MUC12: variants seen among roughly 807,000 people sequenced by gnomAD.
MUC12 encodes mucin 12, cell surface associated, also known as mucin-12.
Under a neutral mutation model 230.8 loss-of-function variants are expected in MUC12, and 172 were observed. The ratio of observed to expected loss-of-function variants is 0.75; its 90% CI spans 0.66 to 0.85. The LOEUF (loss-of-function observed/expected upper bound fraction) is 0.85, where lower values mean the gene tolerates loss of function less well. Ranked by LOEUF, MUC12 falls within the 40% of genes least tolerant of loss-of-function variation. MUC12 has a pLI of 0.00. For synonymous variants in MUC12, 1,259 were observed against 2,401.9 expected, an observed-to-expected ratio of 0.52 and a Z score of 13.91; for missense variants, 3,506 against 5,920.6, an observed-to-expected ratio of 0.59 and a Z score of 13.38.
rs139231552 is a variant in MUC12, at chr7:100,986,194, T to TA, written c.68-4429dup. Reference sequence around the variant, plus strand: ...GGGCAACATAGCAAGATCCCATCTCTAAAAAAAACAAAATTTTAAAATTAG... The same window carrying TA: ...GGGCAACATAGCAAGATCCCATCTCTAAAAAAAAACAAAATTTTAAAATTAG... On this transcript the variant is annotated intron_variant, in intron 1 of 11. Coordinates refer to ENST00000536621, the MANE Select transcript of MUC12 (RefSeq NM_001164462.2). 6.1e-3 allele frequency among the ~76,000 whole-genome samples: 924 copies of TA among 151,642 alleles called. 7 individuals carry two copies. The highest frequency in any genetic ancestry group is 0.021 in the African/African-American group (860 of 41,366).
intron 1 of MUC12, among the ~76,000 whole-genome samples, chr7:100,974,800 G>A (rs1026219522): frequency 1.3e-5 from 2 of 152,272 alleles, no homozygotes; most frequent in African/African-American, 4.8e-5. Context: ...ATTCCAGCCT[G>A]GGCAACAGAG....
At position 101,007,922 on chromosome 7, in the gene MUC12, C is replaced by A. The variant is rs528525248; in HGVS notation, c.15059-712C>A. On this transcript the variant is annotated intron_variant, in intron 3 of 11. Transcript: ENST00000536621. ...ATGCCATTCTCCTGCCTCAGCCTCC[C>A]AAGTAGCTGGGACTACAGGTGCCCG... Among the ~76,000 whole-genome samples, 13 of 151,744 alleles carry A rather than the reference C, an allele frequency of 8.6e-5. No homozygotes were observed. The East Asian group carries it at 2.1e-3, about 25-fold the overall frequency.
intron 10 of MUC12, 188 bp from the exon 11 acceptor site, chr7:101,017,387 C>A: frequency 1.8e-6 from 1 of 553,622 alleles, no homozygotes; most frequent in Non-Finnish European, 3.2e-6. Flanking sequence ...GTCCAGCGGG[C>A]GGCTCCCCAG....
At position 100,992,545 on chromosome 7, in the gene MUC12, C is replaced by A. The variant is rs1397137479; in HGVS notation, c.1982C>A (p.Ser661Tyr). Residue 661 changes from serine (S) to tyrosine (Y), a missense_variant, in exon 2 of 12, where the codon TCC becomes TAC. Coordinates refer to ENST00000536621, the MANE Select transcript of MUC12 (RefSeq NM_001164462.2). ...TSAFVEPSTTSHGSPSSIPTT... is the reference protein window; with the variant it reads ...TSAFVEPSTTYHGSPSSIPTT... ...GCCTTTGTTGAGCCATCTACAACCT[C>A]CCACGGCAGCCCGAGCTCAATTCCA... 2 of 1,537,974 alleles carry A rather than the reference C, an allele frequency of 1.3e-6. No individual in the cohort carries two copies. The highest frequency in any genetic ancestry group is 1.7e-6 in the Non-Finnish European group (2 of 1,147,074).
rs1793792975 is a variant in MUC12, at chr7:101,008,617, A to G, written c.15059-17A>G. 1 of 1,536,372 alleles carries G rather than the reference A, an allele frequency of 6.5e-7. No individual in the cohort carries two copies. ...GGGAGGTCGCTGTCTCACGCATACC[A>G]TGGCCTTTTCCCACAGAAACCCCGG... On this transcript the variant is annotated splice_polypyrimidine_tract_variant and intron_variant, in intron 3 of 11. Coordinates refer to ENST00000536621, the MANE Select transcript of MUC12 (RefSeq NM_001164462.2).
intron 6 of MUC12, among the ~76,000 whole-genome samples, 170 bp downstream of exon 6, chr7:101,012,617 C>T (rs1225529562): frequency 4.6e-5 from 7 of 152,122 alleles, no homozygotes; most frequent in Admixed American, 4.6e-4. Flanking sequence ...CTCCCAACAG[C>T]CCCCTCTCGG....
chr7:101,006,789 T>G (rs2116348154), intron 3 of MUC12, among the ~76,000 whole-genome samples: 1 of 152,228 alleles, frequency 6.6e-6, no homozygotes, highest in East Asian at 1.9e-4. Context: ...TTTTTAATTT[T>G]TAATTTTTAG....
chr7:100,990,215 G>A (rs1050975225), intron 1 of MUC12, among the ~76,000 whole-genome samples: 4 of 152,196 alleles, frequency 2.6e-5, no homozygotes, highest in African/African-American at 7.2e-5. Flanking sequence ...GCCTCTTGTC[G>A]GATCAGGAGC....
intron 1 of MUC12, among the ~76,000 whole-genome samples, chr7:100,970,879 C>T (rs965231982): frequency 6.6e-6 from 1 of 152,082 alleles, no homozygotes; most frequent in Admixed American, 6.5e-5. Context: ...CACCTGTAGT[C>T]CCAGCTACTC....
chr7:100,990,562 T>C, intron 1 of MUC12, 69 bp from the exon 2 acceptor site: 8 of 1,522,226 alleles, frequency 5.3e-6, no homozygotes, highest in Non-Finnish European at 5.3e-6. Flanking sequence ...GTGTCAGAAT[T>C]GACTGCCACC....
rs1255361282 is a variant in MUC12 at position 100,991,556 on chromosome 7, A to G, written c.993A>G (p.Thr331=). 6.5e-7 allele frequency: 1 copy of G among 1,536,588 alleles called. No individual in the cohort carries two copies. The highest frequency in any genetic ancestry group is 8.7e-7 in the Non-Finnish European group (1 of 1,146,422). Residue 331 remains threonine, a synonymous_variant, in exon 2 of 12, where the codon ACA becomes ACG. Transcript: ENST00000536621. The part of the protein sequence containing the change: ...STTLGHSEES[T]PVHSSPVATA... ...CCTTGGGCCATAGTGAGGAATCGAC[A>G]CCAGTCCACAGCAGCCCAGTTGCAA... is the stretch of plus-strand genomic sequence containing the variant.
intron 1 of MUC12, among the ~76,000 whole-genome samples, chr7:100,977,855 A>C (rs4729630): frequency 0.099 from 15,079 of 152,026 alleles, 1,178 homozygotes; most frequent in Admixed American, 0.26. Flanking sequence ...AGCGTGAGCC[A>C]CCGTGCCTGG....
chr7:101,018,444 CCCTCCTCT>C, intron 11 of MUC12, 143 bp from the exon 12 acceptor site: 1 of 311,582 alleles, frequency 3.2e-6, no homozygotes, highest in Non-Finnish European at 6.0e-6. Context: ...CCCCGCCACT[CCCTCCTCT>C]CCCTAGGACT....
intron 9 of MUC12, 70 bp downstream of exon 9, chr7:101,014,144 T>C: frequency 6.9e-7 from 1 of 1,442,036 alleles, no homozygotes; most frequent in Non-Finnish European, 9.2e-7. Flanking sequence ...ACTGTCTGAA[T>C]GTCCTAAGGC....
intron 1 of MUC12, among the ~76,000 whole-genome samples, chr7:100,982,437 TTTC>T (rs1442828643): frequency 6.9e-6 from 1 of 144,768 alleles, no homozygotes; most frequent in Non-Finnish European, 1.6e-5. Context: ...TTTCTTTTCT[TTTC>T]TTTTTTTTTT....
chr7:100,977,522 C>T (rs932496795), intron 1 of MUC12, among the ~76,000 whole-genome samples: 3 of 151,972 alleles, frequency 2.0e-5, no homozygotes, highest in African/African-American at 4.8e-5. Context: ...CGCGCCACCA[C>T]GCCCGGCTAA....
rs527771873 is a variant in MUC12 at position 101,005,662 on chromosome 7, C to T, written c.14956+143C>T. ...CTACCGATTATCCAGTTTCTGGGTT[C>T]GATACCACTTCCAGTGTTCATGTGC... On this transcript the variant is annotated intron_variant, in intron 2 of 11. Transcript: ENST00000536621. 1.1e-4 allele frequency: 110 copies of T among 1,045,026 alleles called. 1 individual carries two copies. In the African/African-American group the frequency reaches 1.3e-3, roughly 12 times the overall value. The allele number at this position is 1,045,026 out of a possible 1,614,324, so 64.7% of individuals were successfully genotyped here.
intron 10 of MUC12, 94 bp downstream of exon 10, chr7:101,015,785 C>T: frequency 8.5e-7 from 1 of 1,175,090 alleles, no homozygotes; most frequent in Non-Finnish European, 1.2e-6. Context: ...TGGGGTCCAG[C>T]CCCCCTTTGG....
chr7:100,975,044 T>A (rs1307297359), intron 1 of MUC12, among the ~76,000 whole-genome samples: 1 of 151,864 alleles, frequency 6.6e-6, no homozygotes, highest in South Asian at 2.1e-4. Context: ...GCCTGTTGAG[T>A]GTGGAATGAC....
Sources: gnomAD v4.1 joint callset for allele counts (sites outside exome capture counted in the v4.1 genomes callset) on GRCh38, gnomAD v4.1.1 for gene constraint, MANE v1.5 for transcripts, NCBI Gene and HGNC (gene_info 2026-07-23, HGNC 2026-07-21) for gene names.